Variants in CDC14A observed in about 807,000 individuals in gnomAD.
CDC14A encodes the protein cell division cycle 14A.
Under a neutral mutation model 74.4 loss-of-function variants are expected in CDC14A, and 53 were observed. The ratio of observed to expected loss-of-function variants is 0.71; its 90% CI spans 0.57 to 0.89. The LOEUF (loss-of-function observed/expected upper bound fraction) is 0.89, where lower values mean the gene tolerates loss of function less well. CDC14A is among the 40% of genes least tolerant of loss of function. CDC14A has a pLI of 0.00. For missense variants in CDC14A, 646 were observed against 713.7 expected (o/e 0.91, Z 1.08); for synonymous variants, 247 against 258.4 (o/e 0.96, Z 0.43).
intron 15 of CDC14A, among the ~76,000 whole-genome samples, chr1:100,515,551 T>A (rs1650141481): frequency 6.6e-6 from 1 of 151,988 alleles, no homozygotes; most frequent in African/African-American, 2.4e-5. Context: ...GCCCTGCTAA[T>A]CTTTTGTAGT....
chr1:100,452,679 A>G (rs956837574), intron 7 of CDC14A, among the ~76,000 whole-genome samples: 1 of 152,138 alleles, frequency 6.6e-6, no homozygotes, highest in Admixed American at 6.5e-5. Flanking sequence ...AGGAATTCAG[A>G]TTTTTTTATT....
chr1:100,371,858 G>A (rs1010225192), intron 2 of CDC14A, among the ~76,000 whole-genome samples: 1 of 152,150 alleles, frequency 6.6e-6, no homozygotes, highest in African/African-American at 2.4e-5. Context: ...AGTCAAAAGT[G>A]TTGCTTCCAT....
At chr1:100,412,802 C>T (rs922992666) in intron 4 of CDC14A, among the ~76,000 whole-genome samples, 7 of 125,662 alleles carry the variant, frequency 5.6e-5, no homozygotes, top group Non-Finnish European at 1.6e-5. Context: ...TGCAATGGAT[C>T]TGTTGATTGG....
chr1:100,380,047 G>T (rs753701536), intron 3 of CDC14A, among the ~76,000 whole-genome samples: 8 of 152,112 alleles, frequency 5.3e-5, no homozygotes, highest in Non-Finnish European at 7.4e-5. Flanking sequence ...ATATCAATAT[G>T]TAAAAGCTTT....
intron 15 of CDC14A, among the ~76,000 whole-genome samples, chr1:100,515,975 T>G (rs1244631083): frequency 4.6e-5 from 7 of 152,226 alleles, no homozygotes; most frequent in African/African-American, 4.8e-5. Context: ...GTGTCATCAT[T>G]TGTTTGCAGA....
rs1209668153 is a variant in CDC14A, at chr1:100,424,266, C to T, written c.354C>T (p.Leu118=). The change falls in exon 5 of 16, where the codon CTC becomes CTT. Residue 118 remains leucine, a synonymous_variant. Transcript: ENST00000336454. The part of the protein sequence containing the change: ...KKTPEEAYRA[L]LSGSNPPYLP... Reference sequence around the variant, plus strand: ...CACCAGAAGAAGCCTACAGAGCACTCCTGTCTGGCTCAAACCCCCCCTATC... The same window carrying T: ...CACCAGAAGAAGCCTACAGAGCACTTCTGTCTGGCTCAAACCCCCCCTATC... 13 of 1,613,436 alleles carry T rather than the reference C, an allele frequency of 8.1e-6. No individual in the cohort carries two copies. Among genetic ancestry groups the T allele is most frequent in the East Asian group, 2.2e-5 (1 of 44,892 alleles).
intron 8 of CDC14A, among the ~76,000 whole-genome samples, chr1:100,456,743 A>G (rs958769282): frequency 2.6e-5 from 4 of 152,146 alleles, no homozygotes; most frequent in Non-Finnish European, 4.4e-5. Flanking sequence ...TTGAGCTTTC[A>G]TAAATATGCT....
intron 9 of CDC14A, among the ~76,000 whole-genome samples, chr1:100,466,086 G>A (rs1435025230): frequency 1.3e-5 from 2 of 152,102 alleles, no homozygotes; most frequent in Admixed American, 6.5e-5. Flanking sequence ...TTAAAAGGGG[G>A]AAGCTGCTTT....
chr1:100,496,145 C>A, intron 13 of CDC14A, 96 bp downstream of exon 13: 1 of 950,986 alleles, frequency 1.1e-6, no homozygotes, highest in Non-Finnish European at 1.7e-6. Flanking sequence ...CAACTGTACA[C>A]AGCTTTTTGC....
At chr1:100,456,207 C>T (rs1571235381) in intron 8 of CDC14A, among the ~76,000 whole-genome samples, 1 of 152,068 alleles carries the variant, frequency 6.6e-6, no homozygotes, top group Non-Finnish European at 1.5e-5. Context: ...TTGCCATGGG[C>T]ATACATATTT....
intron 10 of CDC14A, among the ~76,000 whole-genome samples, chr1:100,473,248 A>G (rs1278126155): frequency 1.3e-5 from 2 of 151,924 alleles, no homozygotes. Flanking sequence ...TTTCATCAGC[A>G]TTGTGTAGTT....
intron 5 of CDC14A, among the ~76,000 whole-genome samples, chr1:100,426,665 T>C (rs1314281999): frequency 6.6e-6 from 1 of 152,232 alleles, no homozygotes; most frequent in Non-Finnish European, 1.5e-5. Context: ...GATCCTCATC[T>C]GTCTAGTCCT....
At chr1:100,510,015 G>C (rs1310598277) in intron 15 of CDC14A, among the ~76,000 whole-genome samples, 1 of 152,102 alleles carries the variant, frequency 6.6e-6, no homozygotes, top group Non-Finnish European at 1.5e-5. Context: ...GGTTAAGAGG[G>C]GAAAGGCTGT....
chr1:100,404,208 T>C (rs1659637952), intron 4 of CDC14A, among the ~76,000 whole-genome samples: 1 of 150,048 alleles, frequency 6.7e-6, no homozygotes, highest in African/African-American at 2.5e-5. Context: ...AAAAAAGAGC[T>C]AACTGCAACT....
chr1:100,355,436 T>C (rs1023273029), intron 2 of CDC14A, among the ~76,000 whole-genome samples: 2 of 152,210 alleles, frequency 1.3e-5, no homozygotes, highest in African/African-American at 4.8e-5. Context: ...CTGTGCATGA[T>C]GGCTTTTTGA....
chr1:100,371,641 A>G (rs112421530), intron 2 of CDC14A, among the ~76,000 whole-genome samples: 1 of 152,320 alleles, frequency 6.6e-6, no homozygotes. Flanking sequence ...CATTCCAGGA[A>G]TGAAGCCTAC....
Position 100,494,890 on chromosome 1 carries a change from A to G in CDC14A, c.1210A>G (p.Ser404Gly). The G allele has an allele frequency of 6.2e-7, 1 of 1,613,112 alleles. No individual in the cohort carries two copies. The highest frequency in any genetic ancestry group is 8.5e-7 in the Non-Finnish European group (1 of 1,179,068). The part of the protein sequence containing the change: ...TQGDKLRALK[S>G]QRQPRTSPSC... The stretch of plus-strand genomic sequence containing the variant: ...GGGAGACAAACTACGTGCCTTAAAA[A>G]GTCAGAGACAGCCACGTACCTCACC... The change falls in exon 12 of 16, where the codon AGT (serine) becomes GGT (glycine). Residue 404 changes from serine (S) to glycine (G), a missense_variant. Physicochemically the swap from Ser to Gly is moderately conservative, Grantham distance 56. Coordinates refer to ENST00000336454, the MANE Select transcript of CDC14A (RefSeq NM_003672.4).
At chr1:100,496,795 G>C (rs1362704780) in intron 13 of CDC14A, among the ~76,000 whole-genome samples, 3 of 152,148 alleles carry the variant, frequency 2.0e-5, no homozygotes, top group Non-Finnish European at 4.4e-5. Flanking sequence ...TTTGGTGGGT[G>C]GATAATGAAG....
At chr1:100,353,688 A>G (rs1651461135) in intron 1 of CDC14A, 74 bp from the exon 2 acceptor site, 8 of 751,416 alleles carry the variant, frequency 1.1e-5, no homozygotes, top group Non-Finnish European at 1.9e-5. Context: ...GATCCTTCGT[A>G]TGTTACCACC....
Sources: allele counts gnomAD v4.1 joint callset (sites outside exome capture counted in the v4.1 genomes callset), GRCh38; gene constraint gnomAD v4.1.1; transcripts MANE v1.5; gene names NCBI Gene and HGNC (gene_info 2026-07-23, HGNC 2026-07-21).